UVRAG: variants seen among roughly 807,000 people sequenced by gnomAD.
The protein encoded by UVRAG is UV radiation resistance associated.
UVRAG carries 19 observed loss-of-function variants against 78.0 expected under a neutral mutation model. That is an observed-to-expected ratio of 0.24 (90% CI 0.17 to 0.36). UVRAG has a LOEUF of 0.36. UVRAG is among the 10% of genes least tolerant of loss of function. The pLI is 1.00. For synonymous variants in UVRAG, 323 were observed against 324.6 expected (o/e 1.00, Z 0.05); for missense variants, 740 against 853.8 (o/e 0.87, Z 1.66).
chr11:76,130,259 C>A (rs1325897973), intron 14 of UVRAG, among the ~76,000 whole-genome samples: 1 of 152,196 alleles, frequency 6.6e-6, no homozygotes, highest in African/African-American at 2.4e-5. Flanking sequence ...CCCGTGTCCT[C>A]TCCTGCATAG....
At chr11:75,889,082 C>G (rs1252016806) in intron 5 of UVRAG, among the ~76,000 whole-genome samples, 179 bp downstream of exon 5, 1 of 152,178 alleles carries the variant, frequency 6.6e-6, no homozygotes, top group Non-Finnish European at 1.5e-5. Context: ...AGGCACATAA[C>G]CATCCAGTCC....
chr11:75,815,670 T>C lies in UVRAG; in HGVS notation c.117+146T>C, dbSNP rs1382856894. The C allele has an allele frequency of 9.0e-6, 4 of 443,890 alleles. No individual in the cohort carries two copies. In the Admixed American group the frequency reaches 1.8e-4, roughly 20 times the overall value. 27.5% of individuals were successfully genotyped at this position (443,890 alleles called of 1,614,324 possible). A position where few individuals can be genotyped will look rare whatever the true frequency, so the allele number is the denominator to read the frequency against. On this transcript the variant is annotated intron_variant, in intron 1 of 14. Transcript: ENST00000356136. ...GGGACTGAGGAAGACTGTCAGGAGG[T>C]TTGTGCGGGGAGGGGTCCAGTGATG...
At chr11:75,895,920 A>G (rs571988756) in intron 5 of UVRAG, among the ~76,000 whole-genome samples, 6 of 152,306 alleles carry the variant, frequency 3.9e-5, no homozygotes, top group African/African-American at 7.2e-5. Context: ...CTACAAGCCT[A>G]TTATTAAACT....
chr11:76,003,740 C>G (rs539848352), intron 8 of UVRAG, among the ~76,000 whole-genome samples: 15 of 152,222 alleles, frequency 9.9e-5, no homozygotes, highest in Non-Finnish European at 1.5e-4. Flanking sequence ...GACCATCTTT[C>G]TCAGTCATTA....
intron 13 of UVRAG, among the ~76,000 whole-genome samples, chr11:76,097,217 A>T (rs147787898): frequency 2.6e-5 from 4 of 152,148 alleles, no homozygotes; most frequent in Non-Finnish European, 4.4e-5. Flanking sequence ...AGGCATGCTC[A>T]TGACTTCTCT....
chr11:75,983,221 T>G (rs1294723560), intron 7 of UVRAG, among the ~76,000 whole-genome samples, 166 bp from the exon 8 acceptor site: 1 of 152,216 alleles, frequency 6.6e-6, no homozygotes, highest in African/African-American at 2.4e-5. Context: ...TATATGATTT[T>G]CATTAAAAGG....
At chr11:75,821,528 G>T (rs539004752) in intron 1 of UVRAG, among the ~76,000 whole-genome samples, 1 of 152,060 alleles carries the variant, frequency 6.6e-6, no homozygotes, top group Non-Finnish European at 1.5e-5. Context: ...AAAATTTTTC[G>T]TAGAAATGAG....
At chr11:76,015,180 C>T (rs192199269) in intron 11 of UVRAG, among the ~76,000 whole-genome samples, 1 of 152,182 alleles carries the variant, frequency 6.6e-6, no homozygotes, top group Non-Finnish European at 1.5e-5. Flanking sequence ...GTGTCATATG[C>T]TTGGTACATT....
intron 6 of UVRAG, among the ~76,000 whole-genome samples, chr11:75,951,290 T>A (rs1270453569): frequency 6.6e-6 from 1 of 151,908 alleles, no homozygotes; most frequent in Non-Finnish European, 1.5e-5. Flanking sequence ...ATTAAAAAAT[T>A]GAGTATGTAT....
chr11:75,975,842 A>C (rs903339932), intron 7 of UVRAG, among the ~76,000 whole-genome samples: 14 of 152,148 alleles, frequency 9.2e-5, no homozygotes, highest in African/African-American at 2.7e-4. Context: ...TCTTTTCCTA[A>C]TTGAATACCC....
intron 8 of UVRAG, among the ~76,000 whole-genome samples, chr11:75,991,681 T>A (rs1055330431): frequency 1.3e-5 from 2 of 152,116 alleles, no homozygotes; most frequent in African/African-American, 4.8e-5. Flanking sequence ...ATAACTAGCA[T>A]GATATATAAA....
At chr11:75,873,154 C>T (rs949506229) in intron 3 of UVRAG, among the ~76,000 whole-genome samples, 4 of 152,052 alleles carry the variant, frequency 2.6e-5, no homozygotes, top group African/African-American at 9.7e-5. Context: ...AATAATTATA[C>T]CAGTAGTAAA....
chr11:75,926,672 G>A (rs1288559916), intron 6 of UVRAG, among the ~76,000 whole-genome samples: 2 of 152,148 alleles, frequency 1.3e-5, no homozygotes, highest in East Asian at 3.8e-4. Context: ...ATCATATTTG[G>A]AGTATTCTGT....
intron 12 of UVRAG, 89 bp downstream of exon 12, chr11:76,017,069 T>G (rs1950161637): frequency 1.0e-6 from 1 of 982,410 alleles, no homozygotes; most frequent in South Asian, 2.9e-5. Flanking sequence ...GTAATCTAAA[T>G]TATGACAACT....
At chr11:76,138,969 A>G (rs1952649903) in intron 14 of UVRAG, among the ~76,000 whole-genome samples, 2 of 152,236 alleles carry the variant, frequency 1.3e-5, no homozygotes, top group Admixed American at 1.3e-4. Flanking sequence ...CAACATATTA[A>G]CTATAAACCT....
chr11:76,136,671 A>T (rs1365575167), intron 14 of UVRAG, among the ~76,000 whole-genome samples: 1 of 151,698 alleles, frequency 6.6e-6, no homozygotes, highest in African/African-American at 2.4e-5. Context: ...CTAATTTTTT[A>T]ATTTTTTATA....
intron 6 of UVRAG, among the ~76,000 whole-genome samples, chr11:75,958,280 T>C (rs966938003): frequency 6.6e-6 from 1 of 152,204 alleles, no homozygotes; most frequent in African/African-American, 2.4e-5. Flanking sequence ...GCGATGCTGT[T>C]TGATAGCATT....
intron 13 of UVRAG, among the ~76,000 whole-genome samples, chr11:76,086,017 C>T (rs935021811): frequency 6.6e-6 from 1 of 152,180 alleles, no homozygotes; most frequent in Non-Finnish European, 1.5e-5. Flanking sequence ...CTCCCAGTTC[C>T]ATAGTATGCA....
chr11:76,045,915 G>A (rs983328044), intron 12 of UVRAG, among the ~76,000 whole-genome samples: 1 of 152,086 alleles, frequency 6.6e-6, no homozygotes, highest in Non-Finnish European at 1.5e-5. Flanking sequence ...CGAGCCCAGT[G>A]AGTGCCTAGC....
Sources: gnomAD v4.1 joint callset for allele counts (sites outside exome capture counted in the v4.1 genomes callset) on GRCh38, gnomAD v4.1.1 for gene constraint, MANE v1.5 for transcripts, NCBI Gene and HGNC (gene_info 2026-07-23, HGNC 2026-07-21) for gene names.